Variants in SEMA3D observed in about 807,000 individuals in gnomAD.
SEMA3D encodes semaphorin 3D.
Under a neutral mutation model 100.1 loss-of-function variants are expected in SEMA3D, and 84 were observed. The observed-to-expected ratio is 0.84, with a 90% CI of 0.70 to 1.01. The LOEUF (loss-of-function observed/expected upper bound fraction) is 1.01, where lower values mean the gene tolerates loss of function less well. SEMA3D is among the 50% of genes least tolerant of loss of function. SEMA3D has a pLI of 0.00. For missense variants in SEMA3D, 875 were observed against 934.1 expected (o/e 0.94, Z 0.82); for synonymous variants, 312 against 320.7 (o/e 0.97, Z 0.29).
At chr7:85,141,227 C>T (rs1479248849) in intron 2 of SEMA3D, 1 of 984,066 alleles carries the variant, frequency 1.0e-6, no homozygotes, top group Non-Finnish European at 1.2e-6. Flanking sequence ...TCTTATTTTT[C>T]ATGACATTAA....
chr7:85,121,149 G>T (rs1212273358), intron 3 of SEMA3D, among the ~76,000 whole-genome samples: 1 of 152,100 alleles, frequency 6.6e-6, no homozygotes, highest in Non-Finnish European at 1.5e-5. Context: ...AAAACTATTT[G>T]GGCGTGAAAC....
At chr7:85,248,808 G>T in the SEMA3D span, among the ~76,000 whole-genome samples, 3 of 152,082 alleles carry the variant, frequency 2.0e-5, no homozygotes, top group African/African-American at 7.2e-5. Flanking sequence ...AAAGTCAGTG[G>T]TTCTCAGGAT....
chr7:85,098,495 A>AT (rs1300674122), intron 3 of SEMA3D, among the ~76,000 whole-genome samples: 6 of 151,714 alleles, frequency 4.0e-5, no homozygotes, highest in Admixed American at 2.0e-4. Context: ...ATCTCTTAGC[A>AT]TTTTTTTCTA....
chr7:85,247,354 A>G, the SEMA3D span, among the ~76,000 whole-genome samples: 1 of 152,108 alleles, frequency 6.6e-6, no homozygotes, highest in East Asian at 1.9e-4. Context: ...TCAAACTTAC[A>G]TGTGAAGAGC....
chr7:85,021,474 C>G (rs1474959767), intron 13 of SEMA3D, among the ~76,000 whole-genome samples: 1 of 151,772 alleles, frequency 6.6e-6, no homozygotes, highest in African/African-American at 2.4e-5. Context: ...TTGCCATCTT[C>G]AAAATAATCA....
intron 12 of SEMA3D, chr7:85,028,168 T>C: frequency 3.1e-6 from 2 of 637,470 alleles, no homozygotes; most frequent in Non-Finnish European, 5.8e-6. Flanking sequence ...AAAAAGCTGC[T>C]ACCCATAGGA....
At chr7:85,043,452 A>T (rs532704672) in intron 9 of SEMA3D, among the ~76,000 whole-genome samples, 1 of 152,204 alleles carries the variant, frequency 6.6e-6, no homozygotes, top group African/African-American at 2.4e-5. Flanking sequence ...GTTCATTAAA[A>T]ATGTTCTTTA....
At chr7:85,031,768 A>G (rs960580040) in intron 12 of SEMA3D, among the ~76,000 whole-genome samples, 1 of 151,978 alleles carries the variant, frequency 6.6e-6, no homozygotes, top group African/African-American at 2.4e-5. Context: ...CGGGCTTATC[A>G]GAGTGTCTGG....
intron 2 of SEMA3D, among the ~76,000 whole-genome samples, chr7:85,137,073 C>A (rs905826630): frequency 6.6e-6 from 1 of 151,924 alleles, no homozygotes; most frequent in Non-Finnish European, 1.5e-5. Flanking sequence ...AGACTTTTTT[C>A]TTTAAAAAGA....
the SEMA3D span, among the ~76,000 whole-genome samples, chr7:85,218,263 T>A: frequency 6.6e-6 from 1 of 152,078 alleles, no homozygotes; most frequent in Non-Finnish European, 1.5e-5. Context: ...ATAAAAACTA[T>A]CAAAATGTAT....
chr7:85,150,660 C>T (rs1790355019), intron 2 of SEMA3D, among the ~76,000 whole-genome samples: 1 of 151,642 alleles, frequency 6.6e-6, no homozygotes, highest in African/African-American at 2.4e-5. Context: ...ATTTTAACTC[C>T]TTTACTCTTC....
chr7:85,106,165 T>G (rs1198277956), intron 3 of SEMA3D, among the ~76,000 whole-genome samples: 1 of 152,050 alleles, frequency 6.6e-6, no homozygotes, highest in Admixed American at 6.6e-5. Context: ...ATAAACTTCC[T>G]GGAAAAAAGT....
At chr7:85,161,971 T>C (rs1790755376) in intron 1 of SEMA3D, among the ~76,000 whole-genome samples, 1 of 152,146 alleles carries the variant, frequency 6.6e-6, no homozygotes, top group Admixed American at 6.6e-5. Flanking sequence ...TGTCCATTTG[T>C]TTTCATTTTA....
chr7:85,001,753 A>C lies in SEMA3D; in HGVS notation c.1909-1888T>G, dbSNP rs531927366. ...AAGCTCTTTGAAGGTTAAAATGTGA[A>C]GTATTATTAGCAACATTACATACTA... is the stretch of plus-strand genomic sequence containing the variant. On this transcript the variant is annotated intron_variant, in intron 18 of 18. Coordinates refer to ENST00000284136, the MANE Select transcript of SEMA3D (RefSeq NM_001384900.1). Among the ~76,000 whole-genome samples the C allele has an allele frequency of 7.2e-5, 11 of 152,244 alleles. 1 individual carries two copies. The South Asian group carries it at 2.1e-3, about 29-fold the overall frequency.
chr7:85,217,551 G>C, the SEMA3D span, among the ~76,000 whole-genome samples: 2 of 152,028 alleles, frequency 1.3e-5, no homozygotes, highest in African/African-American at 4.8e-5. Context: ...TCATAAAAAA[G>C]TGCAAGATTT....
chr7:85,034,691 A>T (rs1416536662), intron 12 of SEMA3D, among the ~76,000 whole-genome samples: 1 of 152,108 alleles, frequency 6.6e-6, no homozygotes, highest in East Asian at 1.9e-4. Flanking sequence ...AAGACATACG[A>T]ATGGCCAATG....
Sources: allele counts gnomAD v4.1 joint callset (sites outside exome capture counted in the v4.1 genomes callset), GRCh38; gene constraint gnomAD v4.1.1; transcripts MANE v1.5; gene names NCBI Gene and HGNC (gene_info 2026-07-23, HGNC 2026-07-21).